Variants in RAB38 observed in about 807,000 individuals in gnomAD.
RAB38 encodes ras-related protein Rab-38.
In RAB38, 15 loss-of-function variants were observed where a neutral mutation model predicts 18.4. The observed-to-expected ratio is 0.82, with a 90% CI of 0.55 to 1.26. The LOEUF is 1.26. Among genes scored for constraint, RAB38 ranks in the 50% most tolerant of loss-of-function variants. The pLI, the probability that RAB38 is intolerant of heterozygous loss-of-function variation, is 0.00. For missense variants in RAB38, 294 were observed against 267.4 expected (o/e 1.10, Z -0.69); for synonymous variants, 101 against 104.4 (o/e 0.97, Z 0.20).
chr11:87,934,919 G>C, the RAB38 span, among the ~76,000 whole-genome samples: 1 of 152,078 alleles, frequency 6.6e-6, no homozygotes, highest in Non-Finnish European at 1.5e-5. Flanking sequence ...ACAAAGAGAA[G>C]AGTTTGGAGA....
chr11:87,852,250 A>C, the RAB38 span, among the ~76,000 whole-genome samples: 1 of 152,102 alleles, frequency 6.6e-6, no homozygotes, highest in Admixed American at 6.6e-5. Context: ...GACCTACTCT[A>C]TGGGAGAAGG....
At chr11:87,974,780 A>T in the RAB38 span, among the ~76,000 whole-genome samples, 2 of 151,590 alleles carry the variant, frequency 1.3e-5, no homozygotes, top group Non-Finnish European at 2.9e-5. Flanking sequence ...GCTGTCTCAA[A>T]TCAGAAAAAA....
chr11:87,942,222 A>C, the RAB38 span, among the ~76,000 whole-genome samples: 6 of 152,164 alleles, frequency 3.9e-5, no homozygotes, highest in African/African-American at 1.4e-4. Context: ...GGATCTTGTT[A>C]AATTCCAGAT....
At chr11:88,018,059 G>T in the RAB38 span, among the ~76,000 whole-genome samples, 1 of 152,032 alleles carries the variant, frequency 6.6e-6, no homozygotes, top group African/African-American at 2.4e-5. Context: ...GGCCTCCCCA[G>T]CCACAAAGAA....
chr11:87,804,648 A>C, the RAB38 span, among the ~76,000 whole-genome samples: 1 of 152,026 alleles, frequency 6.6e-6, no homozygotes, highest in Non-Finnish European at 1.5e-5. Flanking sequence ...TCTCGGAAGT[A>C]AGGCAAGAAA....
the RAB38 span, among the ~76,000 whole-genome samples, chr11:88,052,843 G>A: frequency 7.2e-6 from 1 of 139,380 alleles, no homozygotes; most frequent in African/African-American, 2.7e-5. Flanking sequence ...TGGGGTGGAG[G>A]TTAATACAAA....
chr11:88,114,852 T>C (rs994915606), intron 2 of RAB38, among the ~76,000 whole-genome samples: 1 of 152,190 alleles, frequency 6.6e-6, no homozygotes, highest in African/African-American at 2.4e-5. Context: ...TGCTATGTAG[T>C]GTGCATGAGA....
the RAB38 span, among the ~76,000 whole-genome samples, chr11:87,882,121 A>C: frequency 1.6e-4 from 24 of 151,848 alleles, no homozygotes; most frequent in Non-Finnish European, 3.2e-4. Flanking sequence ...TTTCTAATAG[A>C]ATTTTACATT....
chr11:88,065,396 T>C, the RAB38 span, among the ~76,000 whole-genome samples: 72,051 of 152,002 alleles, frequency 0.47, 18,648 homozygotes, highest in South Asian at 0.63. Flanking sequence ...CCCAAGATGC[T>C]GAGCTTTGAA....
the RAB38 span, among the ~76,000 whole-genome samples, chr11:87,939,379 T>TACACACACACACACAC: frequency 2.7e-5 from 4 of 146,406 alleles, no homozygotes; most frequent in Admixed American, 2.0e-4. Flanking sequence ...CACACATACA[T>TACACACACACACACAC]ACACACACAC....
the RAB38 span, among the ~76,000 whole-genome samples, chr11:88,009,538 T>G: frequency 6.6e-6 from 1 of 152,072 alleles, no homozygotes; most frequent in East Asian, 1.9e-4. Flanking sequence ...CACTTAAGAT[T>G]GTAACATGAT....
the RAB38 span, among the ~76,000 whole-genome samples, chr11:87,846,981 T>C: frequency 1.3e-5 from 2 of 151,894 alleles, no homozygotes; most frequent in African/African-American, 4.8e-5. Flanking sequence ...AAACGAATAA[T>C]TAAAATACAA....
At chr11:87,837,230 C>A in the RAB38 span, among the ~76,000 whole-genome samples, 1 of 152,326 alleles carries the variant, frequency 6.6e-6, no homozygotes, top group East Asian at 1.9e-4. Context: ...TATATACTTA[C>A]ATAGCTCCCT....
chr11:88,101,752 A>G, the RAB38 span, among the ~76,000 whole-genome samples: 1 of 151,754 alleles, frequency 6.6e-6, no homozygotes, highest in Non-Finnish European at 1.5e-5. Context: ...TAATAATATT[A>G]TCAACAGCTG....
At chr11:87,920,331 A>G in the RAB38 span, among the ~76,000 whole-genome samples, 1 of 151,940 alleles carries the variant, frequency 6.6e-6, no homozygotes. Context: ...TAAGTTTTAA[A>G]TGTTGTGTTT....
chr11:87,814,262 A>G, the RAB38 span, among the ~76,000 whole-genome samples: 1 of 152,148 alleles, frequency 6.6e-6, no homozygotes, highest in African/African-American at 2.4e-5. Context: ...ATAATGTGCT[A>G]TGTCCGACGA....
chr11:88,102,449 T>C, the RAB38 span, among the ~76,000 whole-genome samples: 1 of 152,022 alleles, frequency 6.6e-6, no homozygotes. Context: ...TACTTTCTTT[T>C]CATTGAAGGA....
intron 1 of RAB38, among the ~76,000 whole-genome samples, chr11:88,156,582 G>C (rs1943128399): frequency 6.6e-6 from 1 of 152,072 alleles, no homozygotes; most frequent in South Asian, 2.1e-4. Context: ...CACACCTGTA[G>C]TCCCAGCTAC....
rs184539354 is a variant in RAB38, at chr11:88,121,557, T to C, written c.484-7417A>G. ...AAGCCCGACTCAAGAACAGAGCCCC[T>C]GCTGCTCTTTTTTTGTTTTTTGTGA... On this transcript the variant is annotated intron_variant, in intron 2 of 2. Transcript: ENST00000243662. 1.7e-3 allele frequency among the ~76,000 whole-genome samples: 262 copies of C among 152,274 alleles called. 3 individuals are homozygous for C. Among genetic ancestry groups the C allele is most frequent in the Middle Eastern group, 0.014 (4 of 294 alleles).
Sources: allele counts gnomAD v4.1 joint callset (sites outside exome capture counted in the v4.1 genomes callset), GRCh38; gene constraint gnomAD v4.1.1; transcripts MANE v1.5; gene names NCBI Gene and HGNC (gene_info 2026-07-23, HGNC 2026-07-21).